Variants in TMEM120B observed in about 807,000 individuals in gnomAD.
TMEM120B encodes transmembrane protein 120B.
A neutral mutation model predicts 55.5 loss-of-function variants in TMEM120B; 31 were observed. That is an observed-to-expected ratio of 0.56 (90% CI 0.42 to 0.75). The LOEUF is 0.75. Ranked by LOEUF, TMEM120B falls within the 30% of genes least tolerant of loss-of-function variation. TMEM120B has a pLI of 0.00. For missense variants in TMEM120B, 399 were observed against 425.5 expected (o/e 0.94, Z 0.55); for synonymous variants, 203 against 176.3 (o/e 1.15, Z -1.20).
chr12:121,758,586 G>A (rs1368822716), intron 5 of TMEM120B: 2 of 980,600 alleles, frequency 2.0e-6, no homozygotes, highest in African/African-American at 3.6e-5. Context: ...CCGTGCTGTG[G>A]TCACCATGGA....
rs939310619 is a variant in TMEM120B at position 121,771,631 on chromosome 12, A to G, written c.679+82A>G. 7.3e-6 allele frequency: 10 copies of G among 1,376,102 alleles called. No homozygotes were observed. The African/African-American group carries it at 1.0e-4, about 14-fold the overall frequency. 85.2% of individuals were successfully genotyped at this position (1,376,102 alleles called of 1,614,324 possible). A position where few individuals can be genotyped will look rare whatever the true frequency, so the allele number is the denominator to read the frequency against. ...CAAGGGAGGGCCCCAGCTGACATCA[A>G]TCAGTGCTTGCCTGTGTGGCAGGGA... On this transcript the variant is annotated intron_variant, in intron 8 of 11. Coordinates refer to ENST00000449592, the MANE Select transcript of TMEM120B (RefSeq NM_001080825.2).
At chr12:121,726,933 AAAAG>A (rs1266580236) in intron 1 of TMEM120B, among the ~76,000 whole-genome samples, 2 of 134,068 alleles carry the variant, frequency 1.5e-5, no homozygotes, top group African/African-American at 5.8e-5. Flanking sequence ...AAAAAAAAAA[AAAAG>A]CTTCAGGCTG....
chr12:121,740,751 T>C (rs1032616371), intron 1 of TMEM120B, among the ~76,000 whole-genome samples: 3 of 152,098 alleles, frequency 2.0e-5, no homozygotes, highest in African/African-American at 7.2e-5. Context: ...ATTTGATAAT[T>C]GTACTATGGA....
chr12:121,714,716 C>A (rs1448087642), intron 1 of TMEM120B, among the ~76,000 whole-genome samples: 22 of 151,848 alleles, frequency 1.4e-4, no homozygotes. Flanking sequence ...TGCGCGCCAC[C>A]ATGCCCAGCT....
chr12:121,780,971 G>T lies in TMEM120B; in HGVS notation c.*5249G>T, dbSNP rs1253509813. The stretch of plus-strand genomic sequence containing the variant: ...TCTTGCAGCCGATGAGCACCATGGG[G>T]ATCCCGCGGCAGAAATGCGTGACCT... On this transcript the variant is annotated 3_prime_UTR_variant, in exon 12 of 12. Coordinates refer to ENST00000449592, the MANE Select transcript of TMEM120B (RefSeq NM_001080825.2). The T allele has an allele frequency of 1.2e-6, 2 of 1,614,062 alleles. No homozygotes were observed. Among genetic ancestry groups the T allele is most frequent in the East Asian group, 4.5e-5 (2 of 44,882 alleles).
At chr12:121,750,501 C>CACCCCAA in intron 4 of TMEM120B, 62 bp downstream of exon 4, 1 of 1,347,688 alleles carries the variant, frequency 7.4e-7, no homozygotes. Context: ...CCCACACCCA[C>CACCCCAA]ACCCCAAACC....
At chr12:121,762,692 CAA>C (rs1001468738) in intron 6 of TMEM120B, among the ~76,000 whole-genome samples, 11 of 152,122 alleles carry the variant, frequency 7.2e-5, no homozygotes, top group African/African-American at 2.2e-4. Context: ...GTTTTGGTGA[CAA>C]GAGTGGGTGG....
intron 1 of TMEM120B, among the ~76,000 whole-genome samples, chr12:121,735,196 A>C (rs1438838471): frequency 4.0e-5 from 6 of 150,870 alleles, no homozygotes; most frequent in Non-Finnish European, 7.4e-5. Context: ...AAAAAAAAAA[A>C]AAAACAAAAA....
At chr12:121,713,891 C>T (rs528513715) in intron 1 of TMEM120B, among the ~76,000 whole-genome samples, 1 of 152,174 alleles carries the variant, frequency 6.6e-6, no homozygotes, top group Admixed American at 6.5e-5. Context: ...ACATTGCACA[C>T]TATCACCCCA....
rs1873170522 is a variant in TMEM120B at position 121,748,416 on chromosome 12, G to A, written c.279G>A (p.Met93Ile). 4 of 1,610,034 alleles carry A rather than the reference G, an allele frequency of 2.5e-6. No homozygotes were observed. In the Admixed American group the frequency reaches 6.7e-5, roughly 27 times the overall value. Residue 93 changes from methionine (M) to isoleucine (I), a missense_variant, in exon 3 of 12, where the codon ATG (methionine) becomes ATA (isoleucine). Physicochemically the swap from Met to Ile is conservative, Grantham distance 10 (BLOSUM62 1). Transcript: ENST00000449592. The stretch of plus-strand genomic sequence containing the variant: ...AGCGGCAGGACGTCTTCTTCGACAT[G>A]GAGGCCTACCTGCCCAAGAAGAACG... ...IKERQDVFFDMEAYLPKKNGL... is the reference protein window; with the variant it reads ...IKERQDVFFDIEAYLPKKNGL...
rs1237518119 is a variant in TMEM120B, at chr12:121,778,111, G to A, written c.*2389G>A. ...ACTCCTAGGCGCCCTCCAGAGCCAA[G>A]CAGCTTGCGACTTCTGGTAGGCACC... On this transcript the variant is annotated 3_prime_UTR_variant, in exon 12 of 12. Transcript: ENST00000449592. 1 of 152,198 alleles carries A rather than the reference G, an allele frequency of 6.6e-6. No individual in the cohort carries two copies. The highest frequency in any genetic ancestry group is 1.5e-5 in the Non-Finnish European group (1 of 68,054). The allele number at this position is 152,198 out of a possible 1,614,324, so 9.4% of individuals were successfully genotyped here. A position where few individuals can be genotyped will look rare whatever the true frequency, so the allele number is the denominator to read the frequency against.
chr12:121,738,401 G>A (rs1872817531), intron 1 of TMEM120B, among the ~76,000 whole-genome samples: 1 of 152,150 alleles, frequency 6.6e-6, no homozygotes, highest in Admixed American at 6.6e-5. Context: ...TTGCAGCCCT[G>A]GTCTTATCTC....
intron 9 of TMEM120B, among the ~76,000 whole-genome samples, chr12:121,773,892 G>A (rs987619536): frequency 6.6e-6 from 1 of 150,844 alleles, no homozygotes; most frequent in Admixed American, 6.6e-5. Flanking sequence ...AGCCAGAAAA[G>A]TGAGGAGACA....
At chr12:121,748,622 A>T (rs1873178583) in intron 3 of TMEM120B, among the ~76,000 whole-genome samples, 180 bp downstream of exon 3, 1 of 152,094 alleles carries the variant, frequency 6.6e-6, no homozygotes, top group Admixed American at 6.6e-5. Flanking sequence ...AGGGGACCTT[A>T]GCCACACCGT....
intron 6 of TMEM120B, among the ~76,000 whole-genome samples, chr12:121,770,248 G>A (rs1164469558): frequency 6.6e-6 from 1 of 152,098 alleles, no homozygotes; most frequent in African/African-American, 2.4e-5. Flanking sequence ...ATCTCCCCGT[G>A]TGTCCTCATG....
At position 121,779,522 on chromosome 12, in the gene TMEM120B, C is replaced by T; in HGVS notation, c.*3800C>T. On this transcript the variant is annotated 3_prime_UTR_variant, in exon 12 of 12. Transcript: ENST00000449592. ...GTCAGAGCAGCAGGCAGAGCCGGCG[C>T]TTCTTCTGCCGTTGCGCCTTCTTCA... The T allele has an allele frequency of 6.2e-7, 1 of 1,613,036 alleles. No homozygotes were observed. The highest frequency in any genetic ancestry group is 8.5e-7 in the Non-Finnish European group (1 of 1,180,014).
rs1047045960 is a variant in TMEM120B at position 121,776,997 on chromosome 12, C to T, written c.*1275C>T. 6.7e-6 allele frequency: 1 copy of T among 149,606 alleles called. No individual in the cohort carries two copies. Among genetic ancestry groups the T allele is most frequent in the Non-Finnish European group, 1.5e-5 (1 of 67,652 alleles). The allele number at this position is 149,606 out of a possible 1,614,324, so 9.3% of individuals were successfully genotyped here. A position where few individuals can be genotyped will look rare whatever the true frequency, so the allele number is the denominator to read the frequency against. ...TGAGATGGGAGTCTCGATCTGTTAC[C>T]CAGGCTGGAGTGCAGTGACACAATC... On this transcript the variant is annotated 3_prime_UTR_variant, in exon 12 of 12. Transcript: ENST00000449592.
chr12:121,772,676 G>A (rs181355278), intron 8 of TMEM120B, among the ~76,000 whole-genome samples: 2 of 152,210 alleles, frequency 1.3e-5, no homozygotes, highest in African/African-American at 2.4e-5. Flanking sequence ...GCCTGCCTTG[G>A]CTTCCCAAAG....
chr12:121,748,535 C>A, intron 3 of TMEM120B, 93 bp downstream of exon 3: 1 of 823,632 alleles, frequency 1.2e-6, no homozygotes, highest in Non-Finnish European at 1.9e-6. Context: ...TGCTGGTGCT[C>A]AGATTGAAGG....
Sources: gnomAD v4.1 joint callset for allele counts (sites outside exome capture counted in the v4.1 genomes callset) on GRCh38, gnomAD v4.1.1 for gene constraint, MANE v1.5 for transcripts, NCBI Gene and HGNC (gene_info 2026-07-23, HGNC 2026-07-21) for gene names.